Variants in TP63 observed in about 807,000 individuals in gnomAD.
TP63 encodes tumor protein 63.
A neutral mutation model predicts 82.8 loss-of-function variants in TP63; 17 were observed. The ratio of observed to expected loss-of-function variants is 0.21; its 90% CI spans 0.14 to 0.31. The LOEUF (loss-of-function observed/expected upper bound fraction) is 0.31. TP63 is among the 10% of genes least tolerant of loss of function. TP63 has a pLI of 1.00. For missense variants in TP63, 648 were observed against 895.3 expected, an observed-to-expected ratio of 0.72 and a Z score of 3.52; for synonymous variants, 330 against 321.7, an observed-to-expected ratio of 1.03 and a Z score of -0.28.
rs926410130 is a variant in TP63 at position 189,731,742 on chromosome 3, G to GA, written c.63-5988dup. Among the ~76,000 whole-genome samples the GA allele has an allele frequency of 1.5e-3, 218 of 149,798 alleles. 1 individual carries two copies. The highest frequency in any genetic ancestry group is 4.4e-3 in the African/African-American group (182 of 40,904). ...TAATCCAAGAAAAACAACTTGAAAA[G>GA]AAAAAAAAAATTGACTTCGGGCTTT... is the stretch of plus-strand genomic sequence containing the variant. On this transcript the variant is annotated intron_variant, in intron 1 of 13. Transcript: ENST00000264731.
chr3:189,740,611 T>G (rs1045841723), intron 3 of TP63, among the ~76,000 whole-genome samples: 10 of 152,176 alleles, frequency 6.6e-5, no homozygotes, highest in African/African-American at 2.4e-4. Context: ...GCGATTCTCC[T>G]GCCTCAGCCT....
At chr3:189,804,041 G>A (rs1035804143) in intron 3 of TP63, among the ~76,000 whole-genome samples, 6 of 152,028 alleles carry the variant, frequency 3.9e-5, no homozygotes, top group South Asian at 2.1e-4. Flanking sequence ...TTTCAGATAC[G>A]CCAATAACTT....
chr3:189,598,246 A>C, the TP63 span, among the ~76,000 whole-genome samples: 1 of 145,876 alleles, frequency 6.9e-6, no homozygotes, highest in Non-Finnish European at 1.5e-5. Flanking sequence ...AGAGATGGAG[A>C]GGAGAGGAGG....
chr3:189,771,080 C>T (rs1366968406), intron 3 of TP63, among the ~76,000 whole-genome samples: 1 of 151,508 alleles, frequency 6.6e-6, no homozygotes, highest in African/African-American at 2.4e-5. Flanking sequence ...AGCCACTTAA[C>T]TTCATTAGTG....
intron 1 of TP63, among the ~76,000 whole-genome samples, chr3:189,723,211 A>G (rs1403183144): frequency 1.3e-5 from 2 of 152,270 alleles, no homozygotes; most frequent in East Asian, 1.9e-4. Context: ...CCTTCTCACC[A>G]TTACAGATAT....
intron 1 of TP63, among the ~76,000 whole-genome samples, chr3:189,643,524 C>T (rs1712119323): frequency 6.6e-6 from 1 of 151,476 alleles, no homozygotes; most frequent in Non-Finnish European, 1.5e-5. Flanking sequence ...TCTCATTTAC[C>T]AATTTCTGTT....
At chr3:189,609,899 T>C in the TP63 span, among the ~76,000 whole-genome samples, 1 of 152,228 alleles carries the variant, frequency 6.6e-6, no homozygotes, top group African/African-American at 2.4e-5. Context: ...ATATACCCAG[T>C]AATGGGATTC....
chr3:189,748,639 A>G (rs1473519884), intron 3 of TP63, among the ~76,000 whole-genome samples: 1 of 151,914 alleles, frequency 6.6e-6, no homozygotes, highest in African/African-American at 2.4e-5. Context: ...GATTCAAAGC[A>G]ATTCCTATCA....
intron 1 of TP63, among the ~76,000 whole-genome samples, chr3:189,725,491 G>A (rs539444219): frequency 3.0e-4 from 46 of 152,178 alleles, no homozygotes; most frequent in African/African-American, 8.2e-4. Context: ...TTAATAATAC[G>A]TATCCCGTTG....
intron 10 of TP63, among the ~76,000 whole-genome samples, chr3:189,875,621 T>TATATACACAC (rs1560289540): frequency 3.0e-5 from 3 of 101,404 alleles, no homozygotes; most frequent in Non-Finnish European, 4.3e-5. Context: ...TATATATATA[T>TATATACACAC]ATATATATAT....
chr3:189,788,848 T>G (rs923592227), intron 3 of TP63, among the ~76,000 whole-genome samples: 4 of 151,976 alleles, frequency 2.6e-5, no homozygotes, highest in Non-Finnish European at 4.4e-5. Flanking sequence ...AGTAATCATT[T>G]TTATTACCTA....
At chr3:189,826,554 C>G (rs918814575) in intron 4 of TP63, among the ~76,000 whole-genome samples, 1 of 152,122 alleles carries the variant, frequency 6.6e-6, no homozygotes, top group East Asian at 1.9e-4. Context: ...TGAAATATCC[C>G]AATTAAAAAA....
chr3:189,873,138 C>G (rs1025132723), intron 10 of TP63, 143 bp downstream of exon 10: 24 of 1,284,016 alleles, frequency 1.9e-5, no homozygotes, highest in Non-Finnish European at 2.7e-5. Context: ...TATGGCAACC[C>G]TCTTTCAGTT....
At chr3:189,881,219 A>T in intron 10 of TP63, 1 of 985,434 alleles carries the variant, frequency 1.0e-6, no homozygotes, top group African/African-American at 1.7e-5. Flanking sequence ...GACGTGTTAA[A>T]ATCAGCACTC....
chr3:189,854,498 G>T (rs1716048094), intron 4 of TP63, among the ~76,000 whole-genome samples: 1 of 152,154 alleles, frequency 6.6e-6, no homozygotes. Flanking sequence ...CTCCCAAAGT[G>T]CTGGGATCAC....
intron 4 of TP63, among the ~76,000 whole-genome samples, chr3:189,828,689 G>T (rs1711823314): frequency 3.9e-5 from 6 of 152,206 alleles, no homozygotes; most frequent in Admixed American, 3.3e-4. Flanking sequence ...TGCCCAAATA[G>T]CCAATGATTG....
intron 4 of TP63, among the ~76,000 whole-genome samples, chr3:189,847,427 A>G (rs953744027): frequency 4.6e-5 from 7 of 152,118 alleles, no homozygotes; most frequent in Non-Finnish European, 1.0e-4. Context: ...TACATTATCT[A>G]TTTTCCCCTC....
chr3:189,873,301 T>C, intron 10 of TP63: 1 of 440,076 alleles, frequency 2.3e-6, no homozygotes, highest in East Asian at 4.7e-5. Flanking sequence ...TAACAGTAAG[T>C]ACACACTCTA....
intron 1 of TP63, among the ~76,000 whole-genome samples, chr3:189,732,876 G>T (rs1408945909): frequency 1.3e-5 from 2 of 152,184 alleles, no homozygotes; most frequent in Non-Finnish European, 2.9e-5. Flanking sequence ...AGCAAAGTAG[G>T]ACAGAGTAGC....
Sources: allele counts gnomAD v4.1 joint callset (sites outside exome capture counted in the v4.1 genomes callset), GRCh38; gene constraint gnomAD v4.1.1; transcripts MANE v1.5; gene names NCBI Gene and HGNC (gene_info 2026-07-23, HGNC 2026-07-21).